The following CYP4X1 variants were observed in gnomAD, a reference collection of about 807,000 sequenced individuals.
The protein encoded by CYP4X1 is cytochrome P450 family 4 subfamily X member 1.
In CYP4X1, 44 loss-of-function variants were observed where a neutral mutation model predicts 57.9. That is an observed-to-expected ratio of 0.76 (90% CI 0.60 to 0.98). The LOEUF (loss-of-function observed/expected upper bound fraction) is 0.98, where lower values mean the gene tolerates loss of function less well. Ranked by LOEUF, CYP4X1 falls within the 50% of genes least tolerant of loss-of-function variation. CYP4X1 has a pLI of 0.00. For synonymous variants in CYP4X1, 227 were observed against 228.6 expected (o/e 0.99, Z 0.06); for missense variants, 532 against 623.9 (o/e 0.85, Z 1.57).
At chr1:47,037,120 A>G (rs778257241) in intron 6 of CYP4X1, among the ~76,000 whole-genome samples, 1 of 152,148 alleles carries the variant, frequency 6.6e-6, no homozygotes, top group Non-Finnish European at 1.5e-5. Context: ...TCATTGGAGT[A>G]AACAGGAATG....
At chr1:47,017,478 G>T in the CYP4X1 span, among the ~76,000 whole-genome samples, 1 of 151,624 alleles carries the variant, frequency 6.6e-6, no homozygotes, top group East Asian at 1.9e-4. Flanking sequence ...AGGGCAGGGG[G>T]TGGAGATGGG....
chr1:47,013,516 G>A, the CYP4X1 span, among the ~76,000 whole-genome samples: 1 of 152,116 alleles, frequency 6.6e-6, no homozygotes. Context: ...AGAAGCTGAT[G>A]TGTCAGTTAC....
intron 8 of CYP4X1, 41 bp downstream of exon 8, chr1:47,039,573 CT>C (rs1336429852): frequency 1.3e-6 from 2 of 1,529,108 alleles, no homozygotes; most frequent in South Asian, 2.6e-5. Context: ...AGTTTTCCCC[CT>C]GAGATTTTGC....
intron 1 of CYP4X1, among the ~76,000 whole-genome samples, chr1:47,025,936 TTTTAA>T (rs1644058721): frequency 6.6e-6 from 1 of 152,368 alleles, no homozygotes; most frequent in Non-Finnish European, 1.5e-5. Context: ...TCGTCTGTTG[TTTTAA>T]TTGAATTGTT....
chr1:46,967,895 T>C, the CYP4X1 span: 2 of 737,314 alleles, frequency 2.7e-6, no homozygotes, highest in East Asian at 6.3e-5. Context: ...AGTGAATTGA[T>C]AAGAGGCCTC....
the CYP4X1 span, among the ~76,000 whole-genome samples, chr1:46,989,547 C>A: frequency 1.3e-5 from 2 of 152,152 alleles, no homozygotes; most frequent in Non-Finnish European, 2.9e-5. Flanking sequence ...TTAGAAAAAG[C>A]TACTTTAAAT....
upstream of CYP4X1, chr1:47,023,650 G>T: frequency 7.1e-7 from 1 of 1,409,706 alleles, no homozygotes; most frequent in Non-Finnish European, 9.2e-7. Flanking sequence ...CCTCTCCCCA[G>T]GCCTGAGCTG....
At chr1:47,039,674 C>T in intron 8 of CYP4X1, 142 bp downstream of exon 8, 1 of 482,228 alleles carries the variant, frequency 2.1e-6, no homozygotes, top group Non-Finnish European at 3.4e-6. Context: ...TCTGTTCTTT[C>T]TAAAGAGAGC....
At chr1:46,980,806 A>C in the CYP4X1 span, among the ~76,000 whole-genome samples, 2 of 151,280 alleles carry the variant, frequency 1.3e-5, no homozygotes, top group African/African-American at 2.4e-5. Flanking sequence ...AACAGAACAG[A>C]GGCCTCAGAA....
the CYP4X1 span, among the ~76,000 whole-genome samples, chr1:46,970,091 T>C: frequency 6.6e-6 from 1 of 152,222 alleles, no homozygotes; most frequent in Non-Finnish European, 1.5e-5. Flanking sequence ...TGTAGACTGG[T>C]GAATTAAGTC....
At chr1:47,034,872 C>T (rs1193949257) in intron 4 of CYP4X1, among the ~76,000 whole-genome samples, 1 of 152,012 alleles carries the variant, frequency 6.6e-6, no homozygotes, top group African/African-American at 2.4e-5. Flanking sequence ...CCTTCCTCTG[C>T]TGCATCATTC....
the CYP4X1 span, among the ~76,000 whole-genome samples, chr1:46,988,140 C>CAGACTA: frequency 6.6e-6 from 1 of 151,618 alleles, no homozygotes; most frequent in Non-Finnish European, 1.5e-5. Flanking sequence ...GACCACTAGC[C>CAGACTA]AGACTAATAA....
chr1:47,024,765 T>C (rs1273654651), intron 1 of CYP4X1, among the ~76,000 whole-genome samples: 1 of 151,966 alleles, frequency 6.6e-6, no homozygotes, highest in African/African-American at 2.4e-5. Context: ...AAAGTATACA[T>C]CTCCGCCTAG....
In CYP4X1 at chr1:47,044,215, T is replaced by C. The variant is rs182472798; in HGVS notation, c.1074-2252T>C. ...TTTGTGATTAGGTGCTTTTCTCTAG[T>C]GGTGTACTTTGATTTTTACTTTTTA... On this transcript the variant is annotated intron_variant, in intron 8 of 11. Coordinates refer to ENST00000371901, the MANE Select transcript of CYP4X1 (RefSeq NM_178033.2). 7.2e-5 allele frequency among the ~76,000 whole-genome samples: 11 copies of C among 152,344 alleles called. No individual in the cohort carries two copies. In the East Asian group the frequency reaches 2.1e-3, roughly 29 times the overall value.
intron 8 of CYP4X1, among the ~76,000 whole-genome samples, chr1:47,045,385 A>C (rs540324800): frequency 6.6e-6 from 1 of 152,326 alleles, no homozygotes; most frequent in South Asian, 2.1e-4. Context: ...TTGTGGAGCA[A>C]GTTCTTTTTA....
the CYP4X1 span, among the ~76,000 whole-genome samples, chr1:47,008,713 A>G: frequency 1.3e-5 from 2 of 152,220 alleles, no homozygotes; most frequent in Non-Finnish European, 2.9e-5. Flanking sequence ...GGCTCAAAAT[A>G]AAGGGATGGA....
At chr1:46,973,622 T>C in the CYP4X1 span, among the ~76,000 whole-genome samples, 1 of 152,152 alleles carries the variant, frequency 6.6e-6, no homozygotes, top group African/African-American at 2.4e-5. Flanking sequence ...TATTATTTTG[T>C]TCAGTGTAAA....
the CYP4X1 span, among the ~76,000 whole-genome samples, chr1:47,005,677 G>A: frequency 3.3e-5 from 5 of 152,206 alleles, no homozygotes; most frequent in South Asian, 1.0e-3. Context: ...TCAAGTTCAG[G>A]TAACTTAAGT....
chr1:47,033,925 A>G (rs915780550), intron 4 of CYP4X1, among the ~76,000 whole-genome samples: 10 of 152,214 alleles, frequency 6.6e-5, no homozygotes, highest in Non-Finnish European at 1.3e-4. Flanking sequence ...GATTTATGGT[A>G]AGTACATGCT....
Sources: gnomAD v4.1 joint callset for allele counts (sites outside exome capture counted in the v4.1 genomes callset) on GRCh38, gnomAD v4.1.1 for gene constraint, MANE v1.5 for transcripts, NCBI Gene and HGNC (gene_info 2026-07-23, HGNC 2026-07-21) for gene names.